The following ZNF385D variants were observed in gnomAD, a reference collection of about 807,000 sequenced individuals.
ZNF385D encodes zinc finger protein 385D.
ZNF385D carries 15 observed loss-of-function variants against 35.8 expected under a neutral mutation model. The observed-to-expected ratio is 0.42, with a 90% confidence interval of 0.28 to 0.64. The LOEUF (loss-of-function observed/expected upper bound fraction) is 0.64. ZNF385D is among the 30% of genes least tolerant of loss of function. ZNF385D has a pLI of 0.23. For missense variants in ZNF385D, 474 were observed against 494.6 expected (o/e 0.96, Z 0.39); for synonymous variants, 212 against 186.8 (o/e 1.13, Z -1.10).
intron 3 of ZNF385D, among the ~76,000 whole-genome samples, chr3:21,913,680 T>G (rs1700068494): frequency 6.6e-6 from 1 of 152,120 alleles, no homozygotes; most frequent in East Asian, 1.9e-4. Flanking sequence ...TGTGTTTCTA[T>G]CAAATTCAGA....
At chr3:21,592,225 G>A (rs1197804414) in intron 2 of ZNF385D, among the ~76,000 whole-genome samples, 1 of 152,040 alleles carries the variant, frequency 6.6e-6, no homozygotes, top group Non-Finnish European at 1.5e-5. Context: ...TAGATTTCCT[G>A]CTGGTTTCCA....
At chr3:21,732,175 G>A (rs200049167) in intron 1 of ZNF385D, among the ~76,000 whole-genome samples, 2 of 150,290 alleles carry the variant, frequency 1.3e-5, no homozygotes, top group South Asian at 2.1e-4. Context: ...TCAGCCTCCC[G>A]AGTAGCTGGG....
chr3:21,809,733 T>A (rs1269546050), intron 3 of ZNF385D, among the ~76,000 whole-genome samples: 2 of 151,188 alleles, frequency 1.3e-5, no homozygotes, highest in Non-Finnish European at 2.9e-5. Flanking sequence ...CACACACATA[T>A]ATATATACAC....
At chr3:21,847,559 T>C (rs995921028) in intron 3 of ZNF385D, among the ~76,000 whole-genome samples, 1 of 152,066 alleles carries the variant, frequency 6.6e-6, no homozygotes, top group African/African-American at 2.4e-5. Flanking sequence ...AATTAAATAA[T>C]TACATCATGG....
At chr3:21,632,430 C>T (rs2065308660) in intron 2 of ZNF385D, among the ~76,000 whole-genome samples, 1 of 152,038 alleles carries the variant, frequency 6.6e-6, no homozygotes, top group South Asian at 2.1e-4. Flanking sequence ...TTTACTGAGT[C>T]TATATCATTA....
chr3:22,283,157 A>G (rs1038916727), intron 2 of ZNF385D, among the ~76,000 whole-genome samples: 4 of 152,104 alleles, frequency 2.6e-5, no homozygotes, highest in Admixed American at 6.6e-5. Context: ...ATATATGCAC[A>G]TAACACTTGA....
At chr3:21,978,080 T>G (rs892441378) in intron 3 of ZNF385D, 20 of 152,140 alleles carry the variant, frequency 1.3e-4, no homozygotes, top group Non-Finnish European at 2.8e-4. Flanking sequence ...CAGTCTTCTC[T>G]TCCAGATAGA....
intron 4 of ZNF385D, among the ~76,000 whole-genome samples, chr3:21,442,299 G>A (rs1233012065): frequency 6.6e-6 from 1 of 152,102 alleles, no homozygotes; most frequent in Non-Finnish European, 1.5e-5. Context: ...CAGGTAACAG[G>A]GATTAGTGTT....
intron 3 of ZNF385D, among the ~76,000 whole-genome samples, chr3:21,543,331 T>C (rs1244359959): frequency 6.6e-6 from 1 of 152,190 alleles, no homozygotes; most frequent in Non-Finnish European, 1.5e-5. Flanking sequence ...CGCTCACCCT[T>C]GTTTCTAAGA....
intron 3 of ZNF385D, among the ~76,000 whole-genome samples, chr3:21,514,062 T>G (rs1210093764): frequency 6.6e-6 from 1 of 152,164 alleles, no homozygotes; most frequent in Non-Finnish European, 1.5e-5. Context: ...GAGATTTTTT[T>G]AAAGCATCAG....
At position 22,167,141 on chromosome 3, in the gene ZNF385D, A is replaced by C. The variant is rs143607025; in HGVS notation, c.325+1676T>G. On this transcript the variant is annotated intron_variant, in intron 3 of 5. Coordinates refer to the ZNF385D transcript ENST00000494108. ...CTTAAAGCCTGAAAGCCAAGCTACA[A>C]GTCAAATCCATGGACTGGACTGAGA... 5.6e-3 allele frequency among the ~76,000 whole-genome samples: 856 copies of C among 152,324 alleles called. 14 individuals are homozygous for C. The highest frequency in any genetic ancestry group is 0.019 in the African/African-American group (803 of 41,576).
intron 4 of ZNF385D, among the ~76,000 whole-genome samples, chr3:21,442,237 G>A (rs553566505): frequency 4.5e-4 from 69 of 152,276 alleles, no homozygotes; most frequent in African/African-American, 1.6e-3. Flanking sequence ...TCTGGTTACA[G>A]ACTTCATAAC....
intron 3 of ZNF385D, among the ~76,000 whole-genome samples, chr3:21,515,586 A>G (rs1707505096): frequency 6.6e-6 from 1 of 152,258 alleles, no homozygotes; most frequent in African/African-American, 2.4e-5. Context: ...CAAAGATTAC[A>G]AAAGCAAGAG....
At chr3:21,634,120 C>T (rs2065357085) in intron 2 of ZNF385D, among the ~76,000 whole-genome samples, 1 of 151,888 alleles carries the variant, frequency 6.6e-6, no homozygotes, top group Admixed American at 6.6e-5. Context: ...TCACTTGAGT[C>T]CAGGAGGTCA....
At chr3:22,147,634 C>G (rs1234971270) in intron 3 of ZNF385D, among the ~76,000 whole-genome samples, 1 of 152,090 alleles carries the variant, frequency 6.6e-6, no homozygotes, top group Non-Finnish European at 1.5e-5. Context: ...TGTATTAATA[C>G]AACACCACTC....
chr3:21,741,033 A>G (rs1372144763), intron 1 of ZNF385D, among the ~76,000 whole-genome samples: 1 of 151,430 alleles, frequency 6.6e-6, no homozygotes, highest in Non-Finnish European at 1.5e-5. Context: ...TGCCAATGGA[A>G]TAACTCATGG....
At chr3:21,650,367 G>C (rs1475549608) in intron 2 of ZNF385D, among the ~76,000 whole-genome samples, 1 of 147,546 alleles carries the variant, frequency 6.8e-6, no homozygotes, top group Non-Finnish European at 1.5e-5. Flanking sequence ...TAGCTTACTT[G>C]GCTGTAATAA....
intron 3 of ZNF385D, among the ~76,000 whole-genome samples, chr3:21,910,081 T>C (rs932938498): frequency 6.7e-5 from 8 of 118,596 alleles, no homozygotes; most frequent in Non-Finnish European, 1.4e-4. Flanking sequence ...TAAACATATA[T>C]TTTACACACA....
At chr3:21,974,816 T>C (rs992179943) in intron 3 of ZNF385D, among the ~76,000 whole-genome samples, 2 of 152,074 alleles carry the variant, frequency 1.3e-5, no homozygotes, top group Non-Finnish European at 2.9e-5. Context: ...GATATAAAAG[T>C]GTGCACAACA....
Sources: gnomAD v4.1 joint callset for allele counts (sites outside exome capture counted in the v4.1 genomes callset) on GRCh38, gnomAD v4.1.1 for gene constraint, MANE v1.5 for transcripts, NCBI Gene and HGNC (gene_info 2026-07-23, HGNC 2026-07-21) for gene names.